Variants in SPNS2 observed in about 807,000 individuals in gnomAD.
SPNS2 encodes the protein sphingosine-1-phosphate transporter SPNS2.
SPNS2 carries 37 observed loss-of-function variants against 57.6 expected under a neutral mutation model. The observed-to-expected ratio is 0.64, with a 90% CI of 0.49 to 0.85. The LOEUF (loss-of-function observed/expected upper bound fraction) is 0.85, where lower values mean the gene tolerates loss of function less well. Among genes scored for constraint, SPNS2 ranks in the 40% least tolerant of loss-of-function variants. The probability of loss-of-function intolerance (pLI) is 0.00; values close to 1 mark genes in which losing one functional copy is unlikely to be tolerated. For synonymous variants in SPNS2, 440 were observed against 346.9 expected, an observed-to-expected ratio of 1.27 and a Z score of -2.98; for missense variants, 831 against 779.1, an observed-to-expected ratio of 1.07 and a Z score of -0.79.
At chr17:4,527,619 G>A (rs978025797) in intron 3 of SPNS2, among the ~76,000 whole-genome samples, 5 of 152,122 alleles carry the variant, frequency 3.3e-5, no homozygotes, top group Admixed American at 6.5e-5. Context: ...ACACCCAAAC[G>A]GCCAATACGT....
intron 1 of SPNS2, among the ~76,000 whole-genome samples, chr17:4,509,997 G>A (rs951847554): frequency 6.6e-6 from 1 of 152,240 alleles, no homozygotes; most frequent in Admixed American, 6.5e-5. Context: ...AAATAAGGCT[G>A]TGGTGAAGAA....
At chr17:4,518,815 T>C (rs1905064805) in intron 2 of SPNS2, among the ~76,000 whole-genome samples, 1 of 152,072 alleles carries the variant, frequency 6.6e-6, no homozygotes, top group South Asian at 2.1e-4. Flanking sequence ...TCAGCAGACT[T>C]GGGTTCTGAA....
At position 4,499,178 on chromosome 17, in the gene SPNS2, G is replaced by T; in HGVS notation, c.131G>T (p.Gly44Val). ...AGGSGCCGARGAGGAGVSAAG... is the reference protein window; with the variant it reads ...AGGSGCCGARVAGGAGVSAAG... ...GGTAGCGGTTGCTGCGGGGCGCGGG[G>T]CGCGGGCGGCGCTGGAGTCTCGGCC... Residue 44 changes from glycine to valine, a missense_variant, in exon 1 of 13, where the codon GGC becomes GTC. Physicochemically the swap from Gly to Val is moderately radical, Grantham distance 109. Transcript: ENST00000329078. This position sits in a 1 kb window ranked among gnomAD's most constrained non-coding sequence, Gnocchi z 5.2. 2 of 1,241,818 alleles carry T rather than the reference G, an allele frequency of 1.6e-6. No homozygotes were observed. The highest frequency in any genetic ancestry group is 2.0e-6 in the Non-Finnish European group (2 of 994,250). 76.9% of individuals were successfully genotyped at this position (1,241,818 alleles called of 1,614,324 possible). A position where few individuals can be genotyped will look rare whatever the true frequency, so the allele number is the denominator to read the frequency against.
chr17:4,516,338 A>AG (rs1904992040), intron 2 of SPNS2, among the ~76,000 whole-genome samples: 1 of 124,284 alleles, frequency 8.0e-6, no homozygotes, highest in African/African-American at 3.4e-5. Context: ...AAAAAAAAAA[A>AG]AAAAACAAAA....
intron 3 of SPNS2, among the ~76,000 whole-genome samples, chr17:4,527,853 G>C (rs1567593530): frequency 6.6e-6 from 1 of 150,832 alleles, no homozygotes; most frequent in Non-Finnish European, 1.5e-5. Flanking sequence ...GTAAAACTCT[G>C]TTTATCTCCC....
At chr17:4,525,018 G>A in intron 2 of SPNS2, 39 bp from the exon 3 acceptor site, 1 of 1,600,892 alleles carries the variant, frequency 6.2e-7, no homozygotes, top group Non-Finnish European at 8.6e-7. Flanking sequence ...CCGGGGCGCA[G>A]GGACCTGGGC....
At chr17:4,509,049 G>T (rs1394115025) in intron 1 of SPNS2, among the ~76,000 whole-genome samples, 1 of 152,198 alleles carries the variant, frequency 6.6e-6, no homozygotes, top group African/African-American at 2.4e-5. Flanking sequence ...GAGAATCACC[G>T]GGGCCCATTC....
chr17:4,513,351 G>A (rs774600384), intron 2 of SPNS2, 39 bp downstream of exon 2: 31 of 1,608,090 alleles, frequency 1.9e-5, no homozygotes, highest in South Asian at 3.3e-5. Flanking sequence ...ACGCCCAGGC[G>A]TTGGCGTCGT....
chr17:4,511,275 G>A lies in SPNS2; in HGVS notation c.371-1972G>A, dbSNP rs1207007174. ...CAAGCAGGGGAGATATTCCAGAACA[G>A]GAGGCATCTGAACTGGCCTTGAAGA... On this transcript the variant is annotated intron_variant, in intron 1 of 12. Transcript: ENST00000329078. The surrounding 1 kb of genome is among the most constrained non-coding windows in gnomAD (Gnocchi z 4.6). Among the ~76,000 whole-genome samples the A allele has an allele frequency of 6.6e-6, 1 of 152,216 alleles. No homozygotes were observed. Among genetic ancestry groups the A allele is most frequent in the Non-Finnish European group, 1.5e-5 (1 of 68,042 alleles).
rs73972607 is a variant in SPNS2 at position 4,509,729 on chromosome 17, T to C, written c.371-3518T>C. Among the ~76,000 whole-genome samples the C allele has an allele frequency of 5.6e-3, 850 of 152,370 alleles. 12 individuals are homozygous for C. The highest frequency in any genetic ancestry group is 0.019 in the African/African-American group (798 of 41,590). On this transcript the variant is annotated intron_variant, in intron 1 of 12. Coordinates refer to ENST00000329078, the MANE Select transcript of SPNS2 (RefSeq NM_001124758.3). ...TGGGGCTTGGGAGGTACGTAACTTGTCAATGGATGTTGTTCCAGAATGTTT... is the reference window on the plus strand; with the variant it reads ...TGGGGCTTGGGAGGTACGTAACTTGCCAATGGATGTTGTTCCAGAATGTTT...
At position 4,512,538 on chromosome 17, in the gene SPNS2, G is replaced by A. The variant is rs897422986; in HGVS notation, c.371-709G>A. Among the ~76,000 whole-genome samples, 2 of 152,056 alleles carry A rather than the reference G, an allele frequency of 1.3e-5. No homozygotes were observed. Among genetic ancestry groups the A allele is most frequent in the South Asian group, 2.1e-4 (1 of 4,818 alleles). On this transcript the variant is annotated intron_variant, in intron 1 of 12. Coordinates refer to ENST00000329078, the MANE Select transcript of SPNS2 (RefSeq NM_001124758.3). This position sits in a 1 kb window ranked among gnomAD's most constrained non-coding sequence, Gnocchi z 5.2. Reference sequence around the variant, plus strand: ...AGAAATCCACTTCTCCCAAGAAAACGGGCCTGGAGCCCCGCCTGCTTCCCT... The same window carrying A: ...AGAAATCCACTTCTCCCAAGAAAACAGGCCTGGAGCCCCGCCTGCTTCCCT...
rs141772588 is a variant in SPNS2, at chr17:4,537,889, C to T, written c.*441C>T. 3.1e-4 allele frequency: 135 copies of T among 429,208 alleles called. 1 individual carries two copies. The highest frequency in any genetic ancestry group is 2.5e-3 in the African/African-American group (124 of 49,296). The allele number at this position is 429,208 out of a possible 1,614,324, so 26.6% of individuals were successfully genotyped here. A position where few individuals can be genotyped will look rare whatever the true frequency, so the allele number is the denominator to read the frequency against. ...CTTTGAAGACTCAACAGACCCTGGA[C>T]CATACGGAGAGCAGGTGGCCCAGGC... On this transcript the variant is annotated 3_prime_UTR_variant, in exon 13 of 13. Transcript: ENST00000329078.
chr17:4,537,830 CCA>C lies in SPNS2; in HGVS notation c.*387_*388del. The C allele has an allele frequency of 2.2e-6, 1 of 454,938 alleles. No homozygotes were observed. Among genetic ancestry groups the C allele is most frequent in the Non-Finnish European group, 4.4e-6 (1 of 225,520 alleles). The allele number at this position is 454,938 out of a possible 1,614,324, so 28.2% of individuals were successfully genotyped here. A position where few individuals can be genotyped will look rare whatever the true frequency, so the allele number is the denominator to read the frequency against. On this transcript the variant is annotated 3_prime_UTR_variant, in exon 13 of 13. Coordinates refer to ENST00000329078, the MANE Select transcript of SPNS2 (RefSeq NM_001124758.3). ...CGAAGGGCCAGGGGGCTGGACTTTC[CCA>C]CACAACTTGCTGGGCAAAGCACGAT...
chr17:4,515,052 G>A (rs564315161), intron 2 of SPNS2, among the ~76,000 whole-genome samples: 36 of 152,178 alleles, frequency 2.4e-4, no homozygotes, highest in Non-Finnish European at 4.0e-4. Context: ...GGGAGGGGGC[G>A]GGAGGTACAG....
intron 1 of SPNS2, among the ~76,000 whole-genome samples, chr17:4,502,198 A>AG (rs1433492766): frequency 6.9e-6 from 1 of 144,000 alleles, no homozygotes; most frequent in African/African-American, 2.6e-5. Flanking sequence ...CAACATGGTG[A>AG]AACCCCCCAT....
intron 1 of SPNS2, among the ~76,000 whole-genome samples, chr17:4,505,703 G>C (rs1490481281): frequency 6.6e-6 from 1 of 152,222 alleles, no homozygotes; most frequent in Non-Finnish European, 1.5e-5. Context: ...GTGGCTGGGA[G>C]GTTGGTGAGT....
At chr17:4,505,185 G>T (rs1379508908) in intron 1 of SPNS2, among the ~76,000 whole-genome samples, 3 of 152,106 alleles carry the variant, frequency 2.0e-5, no homozygotes, top group South Asian at 2.1e-4. Flanking sequence ...TCTAGCCATG[G>T]TCACACCTGG....
At chr17:4,527,605 G>A (rs922303740) in intron 3 of SPNS2, among the ~76,000 whole-genome samples, 2 of 152,236 alleles carry the variant, frequency 1.3e-5, no homozygotes, top group Non-Finnish European at 2.9e-5. Context: ...AGTTTCAGGA[G>A]AAGACACCCA....
chr17:4,535,368 T>G (rs1439542097), intron 9 of SPNS2, among the ~76,000 whole-genome samples: 1 of 152,158 alleles, frequency 6.6e-6, no homozygotes, highest in Non-Finnish European at 1.5e-5. Context: ...AGTCGAGGCC[T>G]GGCTTGGTCC....
Sources: gnomAD v4.1 joint callset for allele counts (sites outside exome capture counted in the v4.1 genomes callset) on GRCh38, gnomAD v4.1.1 for gene constraint, Gnocchi (gnomAD v3.1) non-coding constraint, MANE v1.5 for transcripts, NCBI Gene and HGNC (gene_info 2026-07-23, HGNC 2026-07-21) for gene names.